MAP7D1: variants seen among roughly 807,000 people sequenced by gnomAD.
MAP7D1 encodes MAP7 domain-containing protein 1.
A neutral mutation model predicts 97.5 loss-of-function variants in MAP7D1; 30 were observed. The ratio of observed to expected loss-of-function variants is 0.31; its 90% confidence interval spans 0.23 to 0.42. The LOEUF is 0.42. Ranked by LOEUF, MAP7D1 falls within the 10% of genes least tolerant of loss-of-function variation. The pLI is 1.00. For missense variants in MAP7D1, 1,184 were observed against 1,179.5 expected (o/e 1.00, Z -0.06); for synonymous variants, 536 against 477.1 (o/e 1.12, Z -1.61).
chr1:36,178,401 TCCCGGATC>T lies in MAP7D1; in HGVS notation c.1709-14_1709-7del. The stretch of plus-strand genomic sequence containing the variant: ...TCTGCGTGGGTGTGCTGACGCCTGA[TCCCGGATC>T]CCCCTCCAGACGCTGCTGTCTTGAC... On this transcript the variant is annotated splice_polypyrimidine_tract_variant and intron_variant, in intron 9 of 16. Transcript: ENST00000474796. 1 of 1,603,586 alleles carries T rather than the reference TCCCGGATC, an allele frequency of 6.2e-7. No homozygotes were observed. Among genetic ancestry groups the T allele is most frequent in the Non-Finnish European group, 8.5e-7 (1 of 1,175,370 alleles).
At chr1:36,174,812 T>C (rs1164116057) in intron 5 of MAP7D1, 86 bp from the exon 6 acceptor site, 7 of 429,292 alleles carry the variant, frequency 1.6e-5, no homozygotes, top group Admixed American at 2.7e-5. Flanking sequence ...CACCCCGCCC[T>C]CGGAGCATCC....
In MAP7D1 at chr1:36,156,398, C is replaced by G. The variant is rs1280516399; in HGVS notation, c.-20C>G. 2.0e-6 allele frequency: 3 copies of G among 1,485,776 alleles called. No homozygotes were observed. The African/African-American group carries it at 4.4e-5, about 22-fold the overall frequency. 92.0% of individuals were successfully genotyped at this position (1,485,776 alleles called of 1,614,324 possible). On this transcript the variant is annotated 5_prime_UTR_variant, in exon 1 of 17. Transcript: ENST00000474796. ...CGCCGCCGCCGCTGAGACCCCGAGA[C>G]CCCCAGTGACGCCGCAGCCATGGAG... is the stretch of plus-strand genomic sequence containing the variant.
chr1:36,179,084 C>T, intron 12 of MAP7D1, 59 bp downstream of exon 12: 2 of 1,293,710 alleles, frequency 1.5e-6, no homozygotes, highest in Admixed American at 2.1e-5. Context: ...GCCAGGTGGG[C>T]GGGGCCTGGG....
intron 8 of MAP7D1, among the ~76,000 whole-genome samples, chr1:36,177,090 A>G (rs1644637906): frequency 2.0e-5 from 3 of 152,048 alleles, no homozygotes; most frequent in Admixed American, 2.0e-4. Flanking sequence ...GGCTGGGGCT[A>G]CAGGCGCGCC....
In MAP7D1 at chr1:36,172,632, G is replaced by T; in HGVS notation, c.624+5G>T. Reference sequence around the variant, plus strand: ...CAGAAGCTCGAGAAAAACAAGGTGCGGGATGGGTCTCCGTGAATCCATGTA... The same window carrying T: ...CAGAAGCTCGAGAAAAACAAGGTGCTGGATGGGTCTCCGTGAATCCATGTA... On this transcript the variant is annotated splice_donor_5th_base_variant and intron_variant, in intron 4 of 16. Coordinates refer to ENST00000474796, the MANE Select transcript of MAP7D1 (RefSeq NM_001388490.1). 6.4e-7 allele frequency: 1 copy of T among 1,562,984 alleles called. No homozygotes were observed. Among genetic ancestry groups the T allele is most frequent in the South Asian group, 1.1e-5 (1 of 87,778 alleles).
chr1:36,172,698 C>T (rs1644563239), intron 4 of MAP7D1, 71 bp downstream of exon 4: 17 of 1,384,876 alleles, frequency 1.2e-5, no homozygotes, highest in Admixed American at 2.5e-5. Flanking sequence ...AGTGTGTACA[C>T]ACATCCATGT....
intron 12 of MAP7D1, 45 bp from the exon 13 acceptor site, chr1:36,179,217 T>G (rs1644679908): frequency 1.2e-6 from 2 of 1,604,364 alleles, no homozygotes; most frequent in Non-Finnish European, 1.7e-6. Flanking sequence ...AGGTTTAGGA[T>G]TAGGGGCGGG....
At chr1:36,162,440 G>C (rs932964172) in intron 1 of MAP7D1, among the ~76,000 whole-genome samples, 3 of 152,234 alleles carry the variant, frequency 2.0e-5, no homozygotes, top group Non-Finnish European at 4.4e-5. Flanking sequence ...GCGGGGTAAT[G>C]TGACTGCCTA....
In MAP7D1 at chr1:36,174,903, A is replaced by C; in HGVS notation, c.745A>C (p.Ser249Arg). The C allele has an allele frequency of 6.2e-7, 1 of 1,608,034 alleles. No individual in the cohort carries two copies. Among genetic ancestry groups the C allele is most frequent in the Non-Finnish European group, 8.5e-7 (1 of 1,174,922 alleles). ...HSSPGHKTSG[S>R]RCSVSAVNLP... is the part of the protein sequence containing the mutation. ...CGTGTCTTTTCCCCCTCCAGGTGGG[A>C]GCAGGTGCTCCGTGTCGGCAGTTAA... Residue 249 changes from serine to arginine, a missense_variant, in exon 6 of 17, where the codon AGC becomes CGC. Physicochemically the swap from Ser to Arg is moderately radical, Grantham distance 110. Coordinates refer to ENST00000474796, the MANE Select transcript of MAP7D1 (RefSeq NM_001388490.1).
Position 36,156,164 on chromosome 1 carries a change from G to C in MAP7D1, c.-254G>C. 2.4e-6 allele frequency: 1 copy of C among 410,142 alleles called. No individual in the cohort carries two copies. Among genetic ancestry groups the C allele is most frequent in the Non-Finnish European group, 4.3e-6 (1 of 233,794 alleles). The allele number at this position is 410,142 out of a possible 1,614,324, so 25.4% of individuals were successfully genotyped here. ...CAGCCCGGGCGGTACAATAGGGTTG[G>C]GCCGAGGCCGGGACTGGGCCGGCGC... On this transcript the variant is annotated 5_prime_UTR_variant, in exon 1 of 17. Transcript: ENST00000474796.
Position 36,178,931 on chromosome 1 carries a change from C to G in MAP7D1, c.2036C>G (p.Ala679Gly). 6.4e-7 allele frequency: 1 copy of G among 1,555,234 alleles called. No homozygotes were observed. The highest frequency in any genetic ancestry group is 8.7e-7 in the Non-Finnish European group (1 of 1,149,416). Residue 679 changes from alanine to glycine, a missense_variant, in exon 12 of 17, where the codon GCC becomes GGC. Transcript: ENST00000474796. ...GGGGGTCTTTGGCAGAAAGAGGAGG[C>G]CGAAGCTCGGTCGCGGGAAGAGGCG... ...QERLQKQKEE[A>G]EARSREEAER... is the part of the protein sequence containing the mutation.
At chr1:36,172,822 G>A (rs905951439) in intron 4 of MAP7D1, among the ~76,000 whole-genome samples, 195 bp downstream of exon 4, 1 of 152,234 alleles carries the variant, frequency 6.6e-6, no homozygotes, top group African/African-American at 2.4e-5. Flanking sequence ...ATTTGCTTCT[G>A]AATGTGCCAC....
rs373806264 is a variant in MAP7D1, at chr1:36,172,571, G to A, written c.568G>A (p.Glu190Lys). The change falls in exon 4 of 17, where the codon GAG (glutamate) becomes AAG (lysine). Residue 190 changes from glutamate to lysine, a missense_variant. Glu to Lys is a moderately conservative substitution (Grantham distance 56, BLOSUM62 1). Transcript: ENST00000474796. ...GCTGGAGGAGCAACGTCTTAAAGCCGAGCAACGCCGTGCAGCCCTGGAGGA... is the reference window on the plus strand; with the variant it reads ...GCTGGAGGAGCAACGTCTTAAAGCCAAGCAACGCCGTGCAGCCCTGGAGGA... ...RRLEEQRLKAEQRRAALEERQ... is the reference protein window; with the variant it reads ...RRLEEQRLKAKQRRAALEERQ... 15 of 1,595,410 alleles carry A rather than the reference G, an allele frequency of 9.4e-6. No individual in the cohort carries two copies. The highest frequency in any genetic ancestry group is 1.3e-5 in the African/African-American group (1 of 74,776).
intron 5 of MAP7D1, 54 bp from the exon 6 acceptor site, chr1:36,174,844 C>T (rs1247382924): frequency 1.9e-6 from 2 of 1,077,070 alleles, no homozygotes; most frequent in African/African-American, 1.5e-5. Flanking sequence ...CCTCGGTGCC[C>T]CCCACTGGCT....
Position 36,174,330 on chromosome 1 carries a change from C to T in MAP7D1, c.740-568C>T, listed in dbSNP as rs112939350. On this transcript the variant is annotated intron_variant, in intron 5 of 16. Transcript: ENST00000474796. ...GGCTTGTGTGCATCTGGGTCTGACA[C>T]ACTATCTGTTAGTGTTTGTGTCTCT... Among the ~76,000 whole-genome samples the T allele has an allele frequency of 3.3e-3, 506 of 152,328 alleles. 2 individuals are homozygous for T. Among genetic ancestry groups the T allele is most frequent in the African/African-American group, 0.011 (478 of 41,572 alleles).
Position 36,176,455 on chromosome 1 carries a change from C to T in MAP7D1, c.1107C>T (p.Pro369=), listed in dbSNP as rs2124243436. ...GCCCGCGCTCGGCCTCCGCCAGCCC[C>T]CTGACGCCGTGCAGCGTCACCCGAA... The part of the protein sequence containing the change: ...PVCPRSASAS[P]LTPCSVTRSV... The change falls in exon 7 of 17, where the codon CCC becomes CCT. Residue 369 remains proline, a synonymous_variant. Coordinates refer to ENST00000474796, the MANE Select transcript of MAP7D1 (RefSeq NM_001388490.1). This position sits in a 1 kb window ranked among gnomAD's most constrained non-coding sequence, Gnocchi z 6.1. 1 of 1,507,568 alleles carries T rather than the reference C, an allele frequency of 6.6e-7. No homozygotes were observed. The highest frequency in any genetic ancestry group is 2.7e-5 in the East Asian group (1 of 36,364). The allele number at this position is 1,507,568 out of a possible 1,614,324, so 93.4% of individuals were successfully genotyped here.
chr1:36,171,154 C>T lies in MAP7D1; in HGVS notation c.230C>T (p.Pro77Leu). ...GAGAGCCCCTCAGGGCAGGTCGGGC[C>T]TAGGCCAGCCCCCCCGCAGGAAGAG... Reference protein sequence around the residue: ...EPESPSGQVGPRPAPPQEESP... With the variant: ...EPESPSGQVGLRPAPPQEESP... The change falls in exon 2 of 17, where the codon CCT becomes CTT. Residue 77 changes from proline (P) to leucine (L), a missense_variant. Pro to Leu is a moderately conservative substitution (Grantham distance 98). Transcript: ENST00000474796. 1 of 1,614,062 alleles carries T rather than the reference C, an allele frequency of 6.2e-7. No homozygotes were observed. Among genetic ancestry groups the T allele is most frequent in the Non-Finnish European group, 8.5e-7 (1 of 1,179,980 alleles).
chr1:36,156,343 G>T lies in MAP7D1; in HGVS notation c.-75G>T, dbSNP rs1570115427. The T allele has an allele frequency of 1.5e-5, 20 of 1,293,644 alleles. No individual in the cohort carries two copies. The highest frequency in any genetic ancestry group is 1.9e-5 in the Non-Finnish European group (19 of 978,586). The allele number at this position is 1,293,644 out of a possible 1,614,324, so 80.1% of individuals were successfully genotyped here. A position where few individuals can be genotyped will look rare whatever the true frequency, so the allele number is the denominator to read the frequency against. On this transcript the variant is annotated 5_prime_UTR_variant, in exon 1 of 17. Transcript: ENST00000474796. ...GGCCGGGCCGGGCGTGATGCGCCGC[G>T]GGACCCCTGTCCTGGCCACTGGCCG... is the stretch of plus-strand genomic sequence containing the variant.
rs1644597774 is a variant in MAP7D1, at chr1:36,174,933, C to T, written c.775C>T (p.Pro259Ser). The T allele has an allele frequency of 6.2e-7, 1 of 1,613,798 alleles. No individual in the cohort carries two copies. The highest frequency in any genetic ancestry group is 1.1e-5 in the South Asian group (1 of 91,082). The change falls in exon 6 of 17, where the codon CCC becomes TCC. Residue 259 changes from proline (P) to serine (S), a missense_variant. Coordinates refer to ENST00000474796, the MANE Select transcript of MAP7D1 (RefSeq NM_001388490.1). ...GTGCTCCGTGTCGGCAGTTAACCTG[C>T]CCAAACACGTGGACTCTATAATCAA... ...SRCSVSAVNL[P>S]KHVDSIINKR...
Sources: allele counts gnomAD v4.1 joint callset (sites outside exome capture counted in the v4.1 genomes callset), GRCh38; gene constraint gnomAD v4.1.1; non-coding constraint Gnocchi (gnomAD v3.1); transcripts MANE v1.5; gene names NCBI Gene and HGNC (gene_info 2026-07-23, HGNC 2026-07-21).